The following PAFAH1B2 variants were observed in gnomAD, a reference collection of about 807,000 sequenced individuals.
PAFAH1B2 encodes platelet-activating factor acetylhydrolase IB subunit alpha2.
A neutral mutation model predicts 28.0 loss-of-function variants in PAFAH1B2; 8 were observed. The ratio of observed to expected loss-of-function variants is 0.29; its 90% CI spans 0.17 to 0.52. The LOEUF (loss-of-function observed/expected upper bound fraction) is 0.52, where lower values mean the gene tolerates loss of function less well. Among genes scored for constraint, PAFAH1B2 ranks in the 20% least tolerant of loss-of-function variants. The probability of loss-of-function intolerance (pLI) is 0.97; values close to 1 mark genes in which losing one functional copy is unlikely to be tolerated. For synonymous variants in PAFAH1B2, 104 were observed against 103.2 expected (o/e 1.01, Z -0.05); for missense variants, 190 against 282.6 (o/e 0.67, Z 2.35).
At chr11:117,175,703 G>A (rs1196820168), downstream of PAFAH1B2, 1 of 1,158,612 alleles carries the variant, frequency 8.6e-7, no homozygotes, top group East Asian at 2.8e-5. Context: ...CACCTCCCAA[G>A]ATGAATTAAG....
chr11:117,161,960 C>T (rs905967600), intron 4 of PAFAH1B2, among the ~76,000 whole-genome samples: 1 of 152,088 alleles, frequency 6.6e-6, no homozygotes, highest in Non-Finnish European at 1.5e-5. Flanking sequence ...ACCATATAAA[C>T]AGGTCAGTAA....
chr11:117,164,021 CTCT>C (rs1956439766), intron 5 of PAFAH1B2, 129 bp downstream of exon 5: 2 of 879,178 alleles, frequency 2.3e-6, no homozygotes, highest in Admixed American at 2.2e-5. Context: ...TTTCGTTGAC[CTCT>C]TCTTTAATGT....
At chr11:117,157,440 C>G (rs1314669093) in intron 2 of PAFAH1B2, among the ~76,000 whole-genome samples, 1 of 152,072 alleles carries the variant, frequency 6.6e-6, no homozygotes, top group East Asian at 1.9e-4. Flanking sequence ...CCACACCTGA[C>G]CAGAGGTGTT....
rs1565274998 is a variant in PAFAH1B2 at position 117,168,445 on chromosome 11, C to CCTTTTTTTTTTTTT, written c.*746_*747insCTTTTTTTTTTTTT. On this transcript the variant is annotated 3_prime_UTR_variant, in exon 6 of 6. Coordinates refer to ENST00000527958, the MANE Select transcript of PAFAH1B2 (RefSeq NM_002572.4). ...TTCCCCTTCATTCCCCCCGCCACCC[C>CCTTTTTTTTTTTTT]GTTTTTTTTTTTTTTTTTTTTTTTT... 5 of 354,312 alleles carry CCTTTTTTTTTTTTT rather than the reference C, an allele frequency of 1.4e-5. No homozygotes were observed. The highest frequency in any genetic ancestry group is 2.8e-4 in the Admixed American group (1 of 3,534). 21.9% of individuals were successfully genotyped at this position (354,312 alleles called of 1,614,324 possible). A position where few individuals can be genotyped will look rare whatever the true frequency, so the allele number is the denominator to read the frequency against.
chr11:117,172,390 ATATATATATATATATTT>A (rs1956686804), downstream of PAFAH1B2, among the ~76,000 whole-genome samples: 4 of 1,878 alleles, frequency 2.1e-3, no homozygotes, highest in East Asian at 0.025. Flanking sequence ...ATATATATAT[ATATATATATATATATTT>A]TTTTTTTTTT....
chr11:117,160,261 A>AG (rs1390430871), intron 3 of PAFAH1B2, among the ~76,000 whole-genome samples: 1 of 152,176 alleles, frequency 6.6e-6, no homozygotes, highest in Non-Finnish European at 1.5e-5. Context: ...GGTTTCCAAG[A>AG]GGCTTGATGT....
chr11:117,158,097 C>T (rs777216624), intron 2 of PAFAH1B2, among the ~76,000 whole-genome samples: 2 of 152,138 alleles, frequency 1.3e-5, no homozygotes, highest in Non-Finnish European at 2.9e-5. Context: ...AAGATCGCGC[C>T]ACTACACTCC....
chr11:117,155,006 A>T (rs1256548623), intron 2 of PAFAH1B2, among the ~76,000 whole-genome samples: 2 of 152,110 alleles, frequency 1.3e-5, no homozygotes, highest in East Asian at 3.9e-4. Flanking sequence ...TGTTTTTGAG[A>T]TGGAGTCTCA....
chr11:117,163,252 T>G (rs1174245253), intron 4 of PAFAH1B2, among the ~76,000 whole-genome samples: 3 of 152,190 alleles, frequency 2.0e-5, no homozygotes, highest in African/African-American at 7.2e-5. Context: ...GCCCAGGAGT[T>G]TAAGACCAGC....
At chr11:117,157,973 A>G (rs1956288958) in intron 2 of PAFAH1B2, among the ~76,000 whole-genome samples, 1 of 152,036 alleles carries the variant, frequency 6.6e-6, no homozygotes. Flanking sequence ...CCCCATCTCT[A>G]CTAAAAATAC....
rs1203703143 is a variant in PAFAH1B2 at position 117,144,401 on chromosome 11, C to A, written c.-25C>A. 2.5e-6 allele frequency: 1 copy of A among 403,822 alleles called. No homozygotes were observed. Among genetic ancestry groups the A allele is most frequent in the Admixed American group, 2.6e-5 (1 of 38,410 alleles). 25.0% of individuals were successfully genotyped at this position (403,822 alleles called of 1,614,324 possible). On this transcript the variant is annotated 5_prime_UTR_variant, in exon 1 of 6. Transcript: ENST00000527958. ...CGACGCCTCAGCCGCTTGGGGCCCGCACGGACCCTCTACTTCAGTGAGTGC... is the reference window on the plus strand; with the variant it reads ...CGACGCCTCAGCCGCTTGGGGCCCGAACGGACCCTCTACTTCAGTGAGTGC...
At chr11:117,149,185 A>G (rs1296630971) in intron 1 of PAFAH1B2, among the ~76,000 whole-genome samples, 2 of 151,546 alleles carry the variant, frequency 1.3e-5, no homozygotes, top group African/African-American at 2.4e-5. Context: ...GCCCAGCCCA[A>G]GCAATCCTCC....
chr11:117,153,750 C>T (rs920415440), intron 2 of PAFAH1B2, among the ~76,000 whole-genome samples: 4 of 152,010 alleles, frequency 2.6e-5, no homozygotes, highest in African/African-American at 9.7e-5. Flanking sequence ...GAAGCATTTG[C>T]ACTCATTTCC....
chr11:117,155,864 A>G (rs761939052), intron 2 of PAFAH1B2, among the ~76,000 whole-genome samples: 9 of 152,088 alleles, frequency 5.9e-5, no homozygotes, highest in Non-Finnish European at 1.3e-4. Context: ...CTCACCCCCC[A>G]AAATAGCAAA....
At chr11:117,155,190 G>A (rs537630961) in intron 2 of PAFAH1B2, among the ~76,000 whole-genome samples, 14 of 151,996 alleles carry the variant, frequency 9.2e-5, no homozygotes, top group African/African-American at 3.4e-4. Flanking sequence ...CCTGACCTCA[G>A]GTGATCCACG....
intron 4 of PAFAH1B2, among the ~76,000 whole-genome samples, chr11:117,161,475 A>G (rs922735160): frequency 2.6e-5 from 4 of 151,438 alleles, no homozygotes; most frequent in African/African-American, 9.7e-5. Context: ...GGTTGTATTT[A>G]TAGTTGTTAT....
downstream of PAFAH1B2, among the ~76,000 whole-genome samples, chr11:117,172,232 A>G (rs1488142840): frequency 1.3e-5 from 2 of 151,894 alleles, no homozygotes; most frequent in Non-Finnish European, 2.9e-5. Context: ...TCTTAACCCA[A>G]TGACATGTTT....
chr11:117,176,037 C>T, downstream of PAFAH1B2: 1 of 925,186 alleles, frequency 1.1e-6, no homozygotes, highest in Non-Finnish European at 1.7e-6. Flanking sequence ...CCTCTTTTGC[C>T]ATCCTGAGGA....
chr11:117,160,676 C>G (rs894754378), intron 3 of PAFAH1B2, among the ~76,000 whole-genome samples: 2 of 151,936 alleles, frequency 1.3e-5, no homozygotes, highest in African/African-American at 2.4e-5. Context: ...AGGCTGGTCT[C>G]GAACTCTTGG....
Sources: gnomAD v4.1 joint callset for allele counts (sites outside exome capture counted in the v4.1 genomes callset) on GRCh38, gnomAD v4.1.1 for gene constraint, MANE v1.5 for transcripts, NCBI Gene and HGNC (gene_info 2026-07-23, HGNC 2026-07-21) for gene names.